Variants in CNTRL observed in about 807,000 individuals in gnomAD.
CNTRL encodes centriolin, also known as 110 kDa centrosomal protein.
A neutral mutation model predicts 303.7 loss-of-function variants in CNTRL; 233 were observed. That is an observed-to-expected ratio of 0.77 (90% CI 0.69 to 0.86). The LOEUF is 0.86. Ranked by LOEUF, CNTRL falls within the 40% of genes least tolerant of loss-of-function variation. The pLI is 0.00. For synonymous variants in CNTRL, 900 were observed against 922.2 expected (o/e 0.98, Z 0.44); for missense variants, 2,524 against 2,650.6 (o/e 0.95, Z 1.05).
At chr9:121,123,530 C>T (rs1374356747) in intron 12 of CNTRL, among the ~76,000 whole-genome samples, 2 of 152,120 alleles carry the variant, frequency 1.3e-5, no homozygotes, top group African/African-American at 2.4e-5. Context: ...ACCCAGGAGG[C>T]GGAGGTTGCA....
intron 2 of CNTRL, among the ~76,000 whole-genome samples, chr9:121,086,774 C>A (rs930732060): frequency 2.0e-5 from 3 of 151,800 alleles, no homozygotes; most frequent in African/African-American, 7.3e-5. Context: ...CTCCCCTCGA[C>A]CCCAAGTAGC....
At chr9:121,167,811 G>A (rs2053154506) in intron 37 of CNTRL, 134 bp downstream of exon 37, 1 of 767,776 alleles carries the variant, frequency 1.3e-6, no homozygotes, top group South Asian at 1.9e-5. Flanking sequence ...GTGTAGCCAT[G>A]GGTGGCATTT....
intron 8 of CNTRL, among the ~76,000 whole-genome samples, chr9:121,109,634 C>T (rs1463715753): frequency 6.6e-6 from 1 of 151,976 alleles, no homozygotes; most frequent in African/African-American, 2.4e-5. Context: ...ATTTCTTTAG[C>T]ATAAACCACT....
rs112006948 is a variant in CNTRL, at chr9:121,081,961, G to C, written c.-32+1483G>C. Among the ~76,000 whole-genome samples, 174 of 152,310 alleles carry C rather than the reference G, an allele frequency of 1.1e-3. 1 individual carries two copies. Among genetic ancestry groups the C allele is most frequent in the African/African-American group, 2.7e-3 (114 of 41,568 alleles). ...GGTGACTGGCCCCCATCCCAAAGCTGTCTGGGTGTCACCAGTCATCTTATT... is the reference window on the plus strand; with the variant it reads ...GGTGACTGGCCCCCATCCCAAAGCTCTCTGGGTGTCACCAGTCATCTTATT... On this transcript the variant is annotated intron_variant, in intron 2 of 43. Coordinates refer to ENST00000373855, the MANE Select transcript of CNTRL (RefSeq NM_007018.6).
intron 2 of CNTRL, among the ~76,000 whole-genome samples, chr9:121,084,703 C>G (rs1187609924): frequency 1.3e-5 from 2 of 152,154 alleles, no homozygotes; most frequent in African/African-American, 2.4e-5. Flanking sequence ...TGCCACCACG[C>G]CTGGCTAATG....
chr9:121,088,315 T>G lies in CNTRL; in HGVS notation c.-12T>G, dbSNP rs2048425838. 6.4e-7 allele frequency: 1 copy of G among 1,566,480 alleles called. No individual in the cohort carries two copies. The highest frequency in any genetic ancestry group is 8.8e-7 in the Non-Finnish European group (1 of 1,137,626). Reference sequence around the variant, plus strand: ...TTACAGGTTTTGATGAACACCTGGCTTTATTCTTGCAATGAAGAAAGGTTC... The same window carrying G: ...TTACAGGTTTTGATGAACACCTGGCGTTATTCTTGCAATGAAGAAAGGTTC... On this transcript the variant is annotated 5_prime_UTR_variant, in exon 3 of 44. Coordinates refer to ENST00000373855, the MANE Select transcript of CNTRL (RefSeq NM_007018.6).
At chr9:121,121,286 CAAT>C (rs1454756092) in intron 12 of CNTRL, among the ~76,000 whole-genome samples, 1 of 152,096 alleles carries the variant, frequency 6.6e-6, no homozygotes, top group Non-Finnish European at 1.5e-5. Context: ...ATTTTTCTTT[CAAT>C]TTGCAGAGGA....
intron 32 of CNTRL, among the ~76,000 whole-genome samples, chr9:121,160,641 C>A: frequency 6.6e-6 from 1 of 152,094 alleles, no homozygotes; most frequent in East Asian, 1.9e-4. Context: ...TCTACTCCTC[C>A]AGAAAGGGCA....
intron 7 of CNTRL, among the ~76,000 whole-genome samples, chr9:121,105,321 T>C (rs1251799915): frequency 6.6e-6 from 1 of 152,182 alleles, no homozygotes; most frequent in Admixed American, 6.5e-5. Flanking sequence ...TTCTAATGGA[T>C]TGGATAATTC....
intron 14 of CNTRL, among the ~76,000 whole-genome samples, chr9:121,135,301 G>A (rs1433747618): frequency 6.8e-6 from 1 of 147,414 alleles, no homozygotes; most frequent in African/African-American, 2.5e-5. Flanking sequence ...CTTTGGAGTC[G>A]GAGATCTACA....
Position 121,123,953 on chromosome 9 carries a change from G to C in CNTRL, c.1673G>C (p.Ser558Thr). 1 of 1,601,804 alleles carries C rather than the reference G, an allele frequency of 6.2e-7. No individual in the cohort carries two copies. Among genetic ancestry groups the C allele is most frequent in the Non-Finnish European group, 8.5e-7 (1 of 1,175,512 alleles). The change falls in exon 13 of 44, where the codon AGC becomes ACC. Residue 558 changes from serine to threonine, a missense_variant. Transcript: ENST00000373855. ...PKHSHMKAQK[S>T]GKEQQLDIMN... Reference sequence around the variant, plus strand: ...CAGTCCCATATGAAGGCTCAAAAGAGCGGTAAAGAACAACAGCTTGACATT... The same window carrying C: ...CAGTCCCATATGAAGGCTCAAAAGACCGGTAAAGAACAACAGCTTGACATT...
At chr9:121,167,449 TG>T in intron 36 of CNTRL, 39 bp from the exon 37 acceptor site, 1 of 1,557,268 alleles carries the variant, frequency 6.4e-7, no homozygotes, top group Non-Finnish European at 8.8e-7. Context: ...CTAGTAAAGA[TG>T]GCTTTATTAG....
chr9:121,132,598 A>T (rs1167073705), intron 14 of CNTRL, among the ~76,000 whole-genome samples: 1 of 152,120 alleles, frequency 6.6e-6, no homozygotes, highest in African/African-American at 2.4e-5. Context: ...AGCTTGAAGA[A>T]GTTTGTTATT....
chr9:121,147,278 C>T (rs369269710), intron 23 of CNTRL, among the ~76,000 whole-genome samples: 26 of 152,310 alleles, frequency 1.7e-4, no homozygotes, highest in African/African-American at 5.3e-4. Context: ...TCTGGGATTA[C>T]AGGCGTGAGC....
In CNTRL at chr9:121,117,001, T is replaced by C. The variant is rs542460273; in HGVS notation, c.1456-1345T>C. The stretch of plus-strand genomic sequence containing the variant: ...CATAGATTGATAGATGTAAATAATG[T>C]ACTTAATTTTAAAAGAAATAGATAC... On this transcript the variant is annotated intron_variant, in intron 11 of 43. Coordinates refer to ENST00000373855, the MANE Select transcript of CNTRL (RefSeq NM_007018.6). 4.6e-5 allele frequency among the ~76,000 whole-genome samples: 7 copies of C among 152,360 alleles called. No homozygotes were observed. The South Asian group carries it at 1.4e-3, about 32-fold the overall frequency.
chr9:121,173,620 CTTCCA>C (rs2053401793), intron 41 of CNTRL, 50 bp from the exon 42 acceptor site: 1 of 1,611,128 alleles, frequency 6.2e-7, no homozygotes, highest in Admixed American at 1.7e-5. Flanking sequence ...GGCTGGTTGG[CTTCCA>C]TTTGTAGCAG....
At chr9:121,109,148 A>G (rs1404815642) in intron 8 of CNTRL, among the ~76,000 whole-genome samples, 1 of 152,276 alleles carries the variant, frequency 6.6e-6, no homozygotes, top group African/African-American at 2.4e-5. Context: ...ATCCTCTAGT[A>G]TACTTTAAAA....
At chr9:121,126,771 T>A (rs541005098) in intron 14 of CNTRL, among the ~76,000 whole-genome samples, 1 of 152,274 alleles carries the variant, frequency 6.6e-6, no homozygotes, top group Admixed American at 6.5e-5. Flanking sequence ...TATCATAGTG[T>A]ACATATTTGG....
intron 32 of CNTRL, among the ~76,000 whole-genome samples, chr9:121,160,732 C>G (rs960661147): frequency 1.3e-5 from 2 of 152,176 alleles, no homozygotes; most frequent in Non-Finnish European, 2.9e-5. Context: ...ATAATCCCAG[C>G]TCTTTGGGAG....
Sources: allele counts gnomAD v4.1 joint callset (sites outside exome capture counted in the v4.1 genomes callset), GRCh38; gene constraint gnomAD v4.1.1; transcripts MANE v1.5; gene names NCBI Gene and HGNC (gene_info 2026-07-23, HGNC 2026-07-21).